ARHGEF12: variants seen among roughly 807,000 people sequenced by gnomAD.
ARHGEF12 encodes KMT2A/ARHGEF12 fusion protein.
Under a neutral mutation model 211.2 loss-of-function variants are expected in ARHGEF12, and 66 were observed. The observed-to-expected ratio is 0.31, with a 90% CI of 0.26 to 0.38. The LOEUF is 0.38. Ranked by LOEUF, ARHGEF12 falls within the 10% of genes least tolerant of loss-of-function variation. The pLI is 1.00. For synonymous variants in ARHGEF12, 592 were observed against 638.4 expected (o/e 0.93, Z 1.09); for missense variants, 1,429 against 1,869.5 (o/e 0.76, Z 4.34).
intron 10 of ARHGEF12, 107 bp downstream of exon 10, chr11:120,429,938 G>A (rs1267377722): frequency 3.4e-5 from 43 of 1,269,578 alleles, no homozygotes; most frequent in Non-Finnish European, 4.6e-5. Flanking sequence ...TTTTTCTAGC[G>A]TAGGACAACA....
intron 4 of ARHGEF12, chr11:120,410,306 T>G (rs79380678): frequency 4.9e-5 from 7 of 143,744 alleles, no homozygotes; most frequent in Non-Finnish European, 1.1e-4. Flanking sequence ...TTTTTTTTTT[T>G]GGTTTTTTGT....
intron 34 of ARHGEF12, 191 bp from the exon 35 acceptor site, chr11:120,477,026 ACT>A: frequency 3.3e-6 from 2 of 609,068 alleles, no homozygotes; most frequent in Non-Finnish European, 5.7e-6. Context: ...ATAGTTTTGG[ACT>A]CTCGCCTTAA....
intron 1 of ARHGEF12, among the ~76,000 whole-genome samples, chr11:120,386,684 A>G (rs1051012165): frequency 6.6e-6 from 1 of 152,150 alleles, no homozygotes; most frequent in Admixed American, 6.5e-5. Flanking sequence ...GCAGTGTTAT[A>G]TATTTATGTA....
chr11:120,466,473 AT>A (rs1441993791), intron 28 of ARHGEF12, among the ~76,000 whole-genome samples: 4 of 152,188 alleles, frequency 2.6e-5, no homozygotes, highest in African/African-American at 9.7e-5. Context: ...AGCCAGGATA[AT>A]TTCCTTTCTT....
chr11:120,488,299 T>C lies in ARHGEF12; in HGVS notation c.*3222T>C, dbSNP rs1203654959. The C allele has an allele frequency of 4.7e-6, 1 of 214,688 alleles. No individual in the cohort carries two copies. The highest frequency in any genetic ancestry group is 5.8e-5 in the Admixed American group (1 of 17,132). 13.3% of individuals were successfully genotyped at this position (214,688 alleles called of 1,614,324 possible). Reference sequence around the variant, plus strand: ...ATATATGGTTTTGAATTACTAGAGCTTTGGTCAGTATTTCCTTCCCTATAT... The same window carrying C: ...ATATATGGTTTTGAATTACTAGAGCCTTGGTCAGTATTTCCTTCCCTATAT... On this transcript the variant is annotated 3_prime_UTR_variant, in exon 41 of 41. Coordinates refer to ENST00000397843, the MANE Select transcript of ARHGEF12 (RefSeq NM_015313.3).
chr11:120,341,358 G>A (rs922855625), intron 1 of ARHGEF12, among the ~76,000 whole-genome samples: 7 of 58,572 alleles, frequency 1.2e-4, no homozygotes, highest in Admixed American at 5.8e-4. Flanking sequence ...GAGCCCAGTG[G>A]TTTTTTTTGT....
intron 1 of ARHGEF12, among the ~76,000 whole-genome samples, chr11:120,350,161 T>C (rs901260226): frequency 1.3e-5 from 2 of 152,190 alleles, no homozygotes; most frequent in African/African-American, 2.4e-5. Flanking sequence ...CTGAATTATA[T>C]CTTAAAATGA....
intron 1 of ARHGEF12, among the ~76,000 whole-genome samples, chr11:120,339,585 G>A (rs909063839): frequency 4.6e-5 from 7 of 152,276 alleles, no homozygotes; most frequent in Middle Eastern, 3.4e-3. Context: ...GCTTTGTTTC[G>A]TAGAGTGTGC....
At chr11:120,434,614 G>T (rs546443871) in intron 11 of ARHGEF12, among the ~76,000 whole-genome samples, 1 of 152,120 alleles carries the variant, frequency 6.6e-6, no homozygotes, top group East Asian at 1.9e-4. Flanking sequence ...TTTTTTCATT[G>T]TCTTCTCATT....
At chr11:120,394,216 C>A (rs771539047) in intron 1 of ARHGEF12, among the ~76,000 whole-genome samples, 5 of 151,708 alleles carry the variant, frequency 3.3e-5, no homozygotes, top group Non-Finnish European at 5.9e-5. Flanking sequence ...AAATCAATGA[C>A]ATCAGCTTCT....
chr11:120,366,534 T>C (rs919106662), intron 1 of ARHGEF12, among the ~76,000 whole-genome samples: 14 of 152,198 alleles, frequency 9.2e-5, no homozygotes, highest in African/African-American at 1.2e-4. Flanking sequence ...TTGTTGCAAT[T>C]CAAATATGGA....
intron 1 of ARHGEF12, among the ~76,000 whole-genome samples, chr11:120,339,442 A>C (rs368661693): frequency 1.5e-4 from 23 of 152,286 alleles, no homozygotes; most frequent in African/African-American, 5.1e-4. Context: ...GCCCTACCTC[A>C]TCCTTTTTTC....
chr11:120,480,967 G>GA (rs1555124686), intron 38 of ARHGEF12, among the ~76,000 whole-genome samples: 1 of 152,198 alleles, frequency 6.6e-6, no homozygotes, highest in Non-Finnish European at 1.5e-5. Context: ...AATGGCAGGA[G>GA]ATGGGGCAAG....
At chr11:120,481,169 C>A in intron 38 of ARHGEF12, 91 bp from the exon 39 acceptor site, 1 of 1,212,492 alleles carries the variant, frequency 8.2e-7, no homozygotes, top group South Asian at 1.4e-5. Context: ...CTCTTAATAA[C>A]TTTTCAAGTT....
At chr11:120,458,328 C>A in intron 25 of ARHGEF12, 94 bp downstream of exon 25, 1 of 1,445,912 alleles carries the variant, frequency 6.9e-7, no homozygotes, top group Non-Finnish European at 9.5e-7. Context: ...TTCAAAGTTT[C>A]TCCTAGCCTT....
intron 1 of ARHGEF12, among the ~76,000 whole-genome samples, chr11:120,353,652 T>C (rs1355956910): frequency 6.6e-6 from 1 of 152,130 alleles, no homozygotes; most frequent in Non-Finnish European, 1.5e-5. Flanking sequence ...AGCTACTAAA[T>C]GATGTCTCCA....
At chr11:120,401,172 C>G (rs1944539433) in intron 1 of ARHGEF12, among the ~76,000 whole-genome samples, 1 of 152,092 alleles carries the variant, frequency 6.6e-6, no homozygotes. Context: ...TCTCCCGATT[C>G]CACAATTTTT....
chr11:120,481,381 G>C lies in ARHGEF12; in HGVS notation c.4359G>C (p.Gln1453His), dbSNP rs369686811. 1.2e-5 allele frequency: 20 copies of C among 1,614,164 alleles called. No individual in the cohort carries two copies. The highest frequency in any genetic ancestry group is 8.3e-5 in the Admixed American group (5 of 60,008). The change falls in exon 39 of 41, where the codon CAG becomes CAC. Residue 1453 changes from glutamine (Q) to histidine (H), a missense_variant. By Grantham distance (24) the Gln-to-His change is conservative (BLOSUM62 0). Around this residue, in one of 7 missense-constraint regions of ARHGEF12, gnomAD observed 467 missense variants for 468.4 expected, o/e 1.00. Transcript: ENST00000397843. Reference protein sequence around the residue: ...TGIPAVESTHQQQHSPQNTHS... With the variant: ...TGIPAVESTHHQQHSPQNTHS... The stretch of plus-strand genomic sequence containing the variant: ...TCCCTGCTGTGGAATCCACCCACCA[G>C]CAGCAACATTCTCCTCAGAATACTC...
intron 11 of ARHGEF12, 42 bp from the exon 12 acceptor site, chr11:120,437,266 G>A (rs1292160388): frequency 5.0e-6 from 7 of 1,388,004 alleles, no homozygotes; most frequent in Non-Finnish European, 6.0e-6. Context: ...TCCTTTTGGT[G>A]TGCCTATTGA....
Sources: gnomAD v4.1 joint callset for allele counts (sites outside exome capture counted in the v4.1 genomes callset) on GRCh38, gnomAD v4.1.1 for gene constraint, gnomAD v4.1.1 regional missense constraint, MANE v1.5 for transcripts, NCBI Gene and HGNC (gene_info 2026-07-23, HGNC 2026-07-21) for gene names.